The following CORIN variants were observed in gnomAD, a reference collection of about 807,000 sequenced individuals.
The protein encoded by CORIN is corin, serine peptidase.
In CORIN, 117 loss-of-function variants were observed where a neutral mutation model predicts 125.3. The observed-to-expected ratio is 0.93, with a 90% CI of 0.80 to 1.09. The LOEUF (loss-of-function observed/expected upper bound fraction) is 1.09, where lower values mean the gene tolerates loss of function less well. CORIN is among the 50% of genes least tolerant of loss of function. The pLI is 0.00. For synonymous variants in CORIN, 450 were observed against 466.4 expected (o/e 0.96, Z 0.45); for missense variants, 1,253 against 1,306.7 (o/e 0.96, Z 0.63).
intron 1 of CORIN, among the ~76,000 whole-genome samples, chr4:47,811,797 T>C (rs1732075273): frequency 6.6e-6 from 1 of 152,224 alleles, no homozygotes; most frequent in Non-Finnish European, 1.5e-5. Context: ...TACAGTTTTA[T>C]TGGATACAGC....
rs1560572477 is a variant in CORIN at position 47,837,927 on chromosome 4, GC to G, written c.22del (p.Ala8LeufsTer16). ...GGCTCTGCGGCAGCGCTCTTCCGGA[GC>G]GAGGGCAGGAGACTGTTTCATGGAT... MKQSPAL[A>X]PEERCRRAGS... On this transcript the variant is annotated frameshift_variant, in exon 1 of 22. Coordinates refer to ENST00000273857, the MANE Select transcript of CORIN (RefSeq NM_006587.4). LOFTEE classifies it high-confidence loss of function. The G allele has an allele frequency of 6.2e-7, 1 of 1,613,512 alleles. No individual in the cohort carries two copies. Among genetic ancestry groups the G allele is most frequent in the Non-Finnish European group, 8.5e-7 (1 of 1,180,046 alleles).
chr4:47,664,228 C>T (rs372089908), intron 11 of CORIN, among the ~76,000 whole-genome samples: 46 of 152,256 alleles, frequency 3.0e-4, no homozygotes, highest in South Asian at 8.3e-4. Flanking sequence ...TAACACATGG[C>T]GCAGCAAAGG....
intron 2 of CORIN, among the ~76,000 whole-genome samples, chr4:47,804,756 G>T (rs1012124609): frequency 2.7e-5 from 4 of 150,152 alleles, no homozygotes; most frequent in Admixed American, 2.0e-4. Context: ...TTGTTAATGG[G>T]TACAAAAATT....
intron 5 of CORIN, among the ~76,000 whole-genome samples, chr4:47,700,620 C>T (rs1726241776): frequency 6.6e-6 from 1 of 152,164 alleles, no homozygotes; most frequent in African/African-American, 2.4e-5. Context: ...GCCTCTAAGT[C>T]CTCAAGTGAG....
chr4:47,746,778 C>T (rs534700583), intron 4 of CORIN, among the ~76,000 whole-genome samples: 4 of 152,222 alleles, frequency 2.6e-5, no homozygotes, highest in Admixed American at 2.0e-4. Context: ...AGGTGATCTG[C>T]CCACCTTAGC....
At chr4:47,753,015 C>T (rs546605260) in intron 4 of CORIN, among the ~76,000 whole-genome samples, 1 of 152,226 alleles carries the variant, frequency 6.6e-6, no homozygotes, top group East Asian at 1.9e-4. Context: ...TCGGGGGAAC[C>T]AGCCCCCAAT....
chr4:47,814,310 G>A (rs1208318472), intron 1 of CORIN, among the ~76,000 whole-genome samples: 1 of 151,972 alleles, frequency 6.6e-6, no homozygotes, highest in African/African-American at 2.4e-5. Context: ...CTCTACTTGC[G>A]GCTAGATATT....
intron 19 of CORIN, among the ~76,000 whole-genome samples, chr4:47,617,021 G>A (rs1024496466): frequency 1.3e-5 from 2 of 152,192 alleles, no homozygotes; most frequent in Non-Finnish European, 2.9e-5. Context: ...GGCCAAAGAG[G>A]CAGGTGATTT....
At chr4:47,788,854 T>C (rs1577924246) in intron 2 of CORIN, among the ~76,000 whole-genome samples, 1 of 152,342 alleles carries the variant, frequency 6.6e-6, no homozygotes, top group East Asian at 1.9e-4. Context: ...TTCACGGTTG[T>C]ACCCTGGAGT....
intron 12 of CORIN, among the ~76,000 whole-genome samples, chr4:47,654,456 C>T (rs983446560): frequency 1.3e-5 from 2 of 152,214 alleles, no homozygotes; most frequent in South Asian, 2.1e-4. Flanking sequence ...GAATCACCAA[C>T]ACCACCCCTC....
chr4:47,809,396 CTTTTTTTTTTTT>C (rs374248975), intron 1 of CORIN, among the ~76,000 whole-genome samples: 67 of 107,368 alleles, frequency 6.2e-4, no homozygotes, highest in Non-Finnish European at 1.0e-3. Flanking sequence ...GAATTGATTG[CTTTTTTTTTTTT>C]TTTTTTTTTT....
chr4:47,746,648 C>T (rs1213252027), intron 4 of CORIN, among the ~76,000 whole-genome samples: 2 of 152,052 alleles, frequency 1.3e-5, no homozygotes, highest in South Asian at 2.1e-4. Context: ...GATTCTCCTG[C>T]CACAGCTTCC....
chr4:47,661,641 A>G (rs1724252088), intron 12 of CORIN, 70 bp downstream of exon 12: 5 of 1,365,622 alleles, frequency 3.7e-6, no homozygotes, highest in African/African-American at 1.5e-5. Context: ...CATAAATAGA[A>G]GAAATTCAAA....
intron 4 of CORIN, among the ~76,000 whole-genome samples, chr4:47,747,613 T>C (rs1000201715): frequency 1.3e-5 from 2 of 152,192 alleles, no homozygotes; most frequent in Admixed American, 1.3e-4. Context: ...CAGCAGACTG[T>C]TTTCAAGTTC....
intron 9 of CORIN, among the ~76,000 whole-genome samples, chr4:47,675,127 C>G (rs144969228): frequency 1.1e-4 from 17 of 152,232 alleles, no homozygotes; most frequent in African/African-American, 3.1e-4. Flanking sequence ...AGTGTTTGCC[C>G]TAATGATTTT....
At chr4:47,688,657 C>T (rs1044045532) in intron 6 of CORIN, among the ~76,000 whole-genome samples, 2 of 152,050 alleles carry the variant, frequency 1.3e-5, no homozygotes, top group Admixed American at 6.5e-5. Flanking sequence ...CGTTAGTTCC[C>T]TGATTTGATT....
At chr4:47,609,673 G>A (rs1230091008) in intron 19 of CORIN, among the ~76,000 whole-genome samples, 2 of 152,080 alleles carry the variant, frequency 1.3e-5, no homozygotes, top group African/African-American at 4.8e-5. Flanking sequence ...CGTGTGCCGT[G>A]GTGGTTTGCT....
chr4:47,661,735 G>T lies in CORIN; in HGVS notation c.1711C>A (p.Leu571Met). Residue 571 changes from leucine to methionine, a missense_variant, in exon 12 of 22, where the codon CTG (leucine) becomes ATG (methionine). Physicochemically the swap from Leu to Met is conservative, Grantham distance 15. Transcript: ENST00000273857. The part of the protein sequence containing the change: ...PEENSDNQTC[L>M]MPDEYVEECS... ...CCTTCCACATATTCATCAGGCATCA[G>T]GCAGGTTTGATTGTCTGAATTTTCC... 1 of 1,612,798 alleles carries T rather than the reference G, an allele frequency of 6.2e-7. No homozygotes were observed.
At chr4:47,711,543 G>A (rs1469331310) in intron 5 of CORIN, among the ~76,000 whole-genome samples, 1 of 152,252 alleles carries the variant, frequency 6.6e-6, no homozygotes, top group African/African-American at 2.4e-5. Context: ...CCATAGTCTA[G>A]GGATTGGTGA....
Sources: gnomAD v4.1 joint callset for allele counts (sites outside exome capture counted in the v4.1 genomes callset) on GRCh38, gnomAD v4.1.1 for gene constraint, MANE v1.5 for transcripts, NCBI Gene and HGNC (gene_info 2026-07-23, HGNC 2026-07-21) for gene names.